The following PPP2R5C variants were observed in gnomAD, a reference collection of about 807,000 sequenced individuals.
PPP2R5C encodes protein phosphatase 2 regulatory subunit B'gamma, also known as serine/threonine-protein phosphatase 2A 56 kDa regulatory subunit gamma isoform.
PPP2R5C carries 7 observed loss-of-function variants against 68.9 expected under a neutral mutation model. The ratio of observed to expected loss-of-function variants is 0.10; its 90% confidence interval spans 0.06 to 0.19. The LOEUF is 0.19. Ranked by LOEUF, PPP2R5C falls within the 10% of genes least tolerant of loss-of-function variation. PPP2R5C has a pLI of 1.00. For synonymous variants in PPP2R5C, 210 were observed against 222.2 expected, an observed-to-expected ratio of 0.95 and a Z score of 0.49; for missense variants, 348 against 641.3, an observed-to-expected ratio of 0.54 and a Z score of 4.94.
In PPP2R5C at chr14:101,879,883, G is replaced by T. The variant is rs1180436570; in HGVS notation, c.295-2278G>T. 6.6e-6 allele frequency among the ~76,000 whole-genome samples: 1 copy of T among 152,260 alleles called. No individual in the cohort carries two copies. Among genetic ancestry groups the T allele is most frequent in the African/African-American group, 2.4e-5 (1 of 41,460 alleles). ...CTTCAGCAGTGGCTGCTAATGACAG[G>T]ACCCTGGGAGGACATGGCGGCCTGC... On this transcript the variant is annotated intron_variant, in intron 2 of 13. Coordinates refer to ENST00000334743, the Ensembl canonical transcript of PPP2R5C. The surrounding 1 kb of genome is among the most constrained non-coding windows in gnomAD (Gnocchi z 4.2).
At chr14:101,878,494 A>G (rs2043935466) in intron 2 of PPP2R5C, among the ~76,000 whole-genome samples, 1 of 152,216 alleles carries the variant, frequency 6.6e-6, no homozygotes, top group Admixed American at 6.5e-5. Flanking sequence ...TCCTGCTAGT[A>G]GAAACCACCA....
intron 3 of PPP2R5C, among the ~76,000 whole-genome samples, chr14:101,790,119 TAGAG>T (rs1456572965): frequency 2.6e-5 from 4 of 152,098 alleles, no homozygotes; most frequent in Non-Finnish European, 5.9e-5. Context: ...TTAAGTTGAA[TAGAG>T]AGTTGACTTA....
intron 2 of PPP2R5C, among the ~76,000 whole-genome samples, chr14:101,876,940 CTTTTTTTTT>C (rs11318528): frequency 2.2e-5 from 2 of 90,880 alleles, no homozygotes; most frequent in East Asian, 2.9e-4. Context: ...AGGATTTACG[CTTTTTTTTT>C]TTTTTTTTTT....
intron 2 of PPP2R5C, among the ~76,000 whole-genome samples, chr14:101,863,307 C>CA (rs34107341): frequency 0.15 from 21,380 of 146,354 alleles, 2,602 homozygotes; most frequent in African/African-American, 0.34. Flanking sequence ...GACTGCTTCT[C>CA]AAAAAAAAAA....
intron 3 of PPP2R5C, among the ~76,000 whole-genome samples, chr14:101,790,463 G>A (rs2038305915): frequency 6.6e-6 from 1 of 152,168 alleles, no homozygotes; most frequent in African/African-American, 2.4e-5. Flanking sequence ...TCTGCTTTCT[G>A]TCTCTAGACT....
At position 101,849,611 on chromosome 14, in the gene PPP2R5C, G is replaced by C. The variant is rs147822805; in HGVS notation, c.95-7075G>C. On this transcript the variant is annotated intron_variant, in intron 1 of 13. Coordinates refer to ENST00000334743, the Ensembl canonical transcript of PPP2R5C. Reference sequence around the variant, plus strand: ...ATATGTATTCAAATAGTTCTATCCTGTGCCTTGCCTTTTCATCCTTGTGGA... The same window carrying C: ...ATATGTATTCAAATAGTTCTATCCTCTGCCTTGCCTTTTCATCCTTGTGGA... 2.0e-3 allele frequency among the ~76,000 whole-genome samples: 196 copies of C among 99,186 alleles called. 1 individual carries two copies. The Middle Eastern group carries it at 0.02, about 10-fold the overall frequency. The allele number at this position is 99,186 out of a possible 152,430, so 65.1% of individuals were successfully genotyped here. A position where few individuals can be genotyped will look rare whatever the true frequency, so the allele number is the denominator to read the frequency against.
At chr14:101,859,291 C>G (rs1425059079) in intron 2 of PPP2R5C, among the ~76,000 whole-genome samples, 1 of 152,228 alleles carries the variant, frequency 6.6e-6, no homozygotes, top group Non-Finnish European at 1.5e-5. Flanking sequence ...TAAAAGTAAT[C>G]CAGATGAAAT....
At chr14:101,773,013 G>A (rs1483348614) in intron 2 of PPP2R5C, among the ~76,000 whole-genome samples, 1 of 152,080 alleles carries the variant, frequency 6.6e-6, no homozygotes, top group Non-Finnish European at 1.5e-5. Flanking sequence ...ACCCTCTCTC[G>A]GTATCATGTT....
chr14:101,881,515 A>G (rs2044169805), intron 2 of PPP2R5C, among the ~76,000 whole-genome samples: 1 of 152,266 alleles, frequency 6.6e-6, no homozygotes, highest in African/African-American at 2.4e-5. Flanking sequence ...TATGTGTTAT[A>G]CAAGTCCAAA....
At position 101,834,740 on chromosome 14, in the gene PPP2R5C, G is replaced by A. The variant is rs116607703; in HGVS notation, c.95-21946G>A. 9.1e-3 allele frequency among the ~76,000 whole-genome samples: 1,383 copies of A among 152,000 alleles called. 20 individuals are homozygous for A. Among genetic ancestry groups the A allele is most frequent in the African/African-American group, 0.032 (1,311 of 41,360 alleles). On this transcript the variant is annotated intron_variant, in intron 1 of 13. Transcript: ENST00000334743. ...AGTCTGGATGGGGATGAGAGGAGGG[G>A]ATCTTTATTACATGCTGGGAAAATC... is the stretch of plus-strand genomic sequence containing the variant.
At chr14:101,830,035 C>T (rs1440541921) in intron 1 of PPP2R5C, among the ~76,000 whole-genome samples, 1 of 152,054 alleles carries the variant, frequency 6.6e-6, no homozygotes, top group Non-Finnish European at 1.5e-5. Flanking sequence ...GAGCCAGAAA[C>T]GAGATTAGGA....
chr14:101,903,456 G>T (rs931125736), intron 9 of PPP2R5C, among the ~76,000 whole-genome samples: 4 of 152,192 alleles, frequency 2.6e-5, no homozygotes, highest in Non-Finnish European at 5.9e-5. Flanking sequence ...GAGCATGAAG[G>T]CTGCCAGGGC....
intron 7 of PPP2R5C, among the ~76,000 whole-genome samples, chr14:101,893,454 A>C (rs952159256): frequency 6.6e-5 from 10 of 152,132 alleles, no homozygotes; most frequent in African/African-American, 2.4e-4. Context: ...TGGCCAATGA[A>C]TGGCCTATGA....
chr14:101,858,274 A>G (rs1342654729), intron 2 of PPP2R5C, among the ~76,000 whole-genome samples: 3 of 152,090 alleles, frequency 2.0e-5, no homozygotes, highest in African/African-American at 7.2e-5. Flanking sequence ...AAAATCTCTA[A>G]TATTTTCTCC....
intron 2 of PPP2R5C, among the ~76,000 whole-genome samples, chr14:101,865,671 A>C (rs2043016610): frequency 6.6e-6 from 1 of 152,144 alleles, no homozygotes. Context: ...CTGCAGACAA[A>C]TAGCTGTAAT....
chr14:101,793,596 C>T (rs1429711687), intron 3 of PPP2R5C, among the ~76,000 whole-genome samples: 3 of 152,208 alleles, frequency 2.0e-5, no homozygotes, highest in Non-Finnish European at 4.4e-5. Context: ...CTTCAGGGGT[C>T]CCTGTGATCC....
At chr14:101,895,878 C>T (rs1038197471) in intron 8 of PPP2R5C, among the ~76,000 whole-genome samples, 1 of 152,074 alleles carries the variant, frequency 6.6e-6, no homozygotes, top group Non-Finnish European at 1.5e-5. Flanking sequence ...TGTTTAGCTG[C>T]GGGACAGACC....
In PPP2R5C at chr14:101,922,211, G is replaced by A. The variant is rs531016209; in HGVS notation, c.1444-2930G>A. 7.1e-6 allele frequency: 7 copies of A among 983,010 alleles called. No homozygotes were observed. In the South Asian group the frequency reaches 1.4e-4, roughly 20 times the overall value. The allele number at this position is 983,010 out of a possible 1,614,324, so 60.9% of individuals were successfully genotyped here. A position where few individuals can be genotyped will look rare whatever the true frequency, so the allele number is the denominator to read the frequency against. On this transcript the variant is annotated intron_variant, in intron 13 of 13. Transcript: ENST00000334743. ...AAAGAAATTTGGCAGCTGGGAGGCCGGGCACAATGGCAGATGCCTGTAATC... is the reference window on the plus strand; with the variant it reads ...AAAGAAATTTGGCAGCTGGGAGGCCAGGCACAATGGCAGATGCCTGTAATC...
intron 1 of PPP2R5C, among the ~76,000 whole-genome samples, chr14:101,813,257 A>G (rs191853750): frequency 9.8e-5 from 15 of 152,362 alleles, no homozygotes; most frequent in Admixed American, 9.1e-4. Flanking sequence ...GTAGACTGGA[A>G]TTGTTCGACT....
Sources: gnomAD v4.1 joint callset for allele counts (sites outside exome capture counted in the v4.1 genomes callset) on GRCh38, gnomAD v4.1.1 for gene constraint, Gnocchi (gnomAD v3.1) non-coding constraint, MANE v1.5 for transcripts, NCBI Gene and HGNC (gene_info 2026-07-23, HGNC 2026-07-21) for gene names.